BTC: variants seen among roughly 807,000 people sequenced by gnomAD.
BTC encodes betacellulin, also known as probetacellulin.
Under a neutral mutation model 18.1 loss-of-function variants are expected in BTC, and 13 were observed. That is an observed-to-expected ratio of 0.72 (90% CI 0.47 to 1.14). The LOEUF is 1.14. Ranked by LOEUF, BTC falls within the 50% of genes most tolerant of loss-of-function variation. The pLI is 0.00. For missense variants in BTC, 247 were observed against 224.2 expected (o/e 1.10, Z -0.65); for synonymous variants, 83 against 79.4 (o/e 1.05, Z -0.24).
At chr4:74,790,022 T>C (rs182137831) in intron 1 of BTC, among the ~76,000 whole-genome samples, 417 of 152,338 alleles carry the variant, frequency 2.7e-3, no homozygotes, top group African/African-American at 9.3e-3. Context: ...CTTTTGCAGC[T>C]TTATTTTTTA....
chr4:74,792,833 GCT>G (rs1174432513), intron 1 of BTC, among the ~76,000 whole-genome samples: 2 of 152,138 alleles, frequency 1.3e-5, no homozygotes, highest in Non-Finnish European at 2.9e-5. Flanking sequence ...CCGCTGTTGA[GCT>G]CTTTCTCCCT....
intron 1 of BTC, among the ~76,000 whole-genome samples, chr4:74,790,760 C>T (rs187224000): frequency 4.6e-5 from 7 of 152,260 alleles, no homozygotes; most frequent in African/African-American, 1.7e-4. Flanking sequence ...CTGGTCTGAC[C>T]AATACCAACT....
intron 1 of BTC, among the ~76,000 whole-genome samples, chr4:74,792,019 C>T (rs1725647036): frequency 6.6e-6 from 1 of 150,464 alleles, no homozygotes; most frequent in South Asian, 2.1e-4. Context: ...ACACTAGTGT[C>T]TCATGCATCT....
chr4:74,776,619 A>G (rs892511099), intron 1 of BTC, among the ~76,000 whole-genome samples: 1 of 152,158 alleles, frequency 6.6e-6, no homozygotes, highest in African/African-American at 2.4e-5. Flanking sequence ...CAAGCATTCA[A>G]AAAGAGGCAG....
At chr4:74,770,673 G>A (rs540225115) in intron 1 of BTC, among the ~76,000 whole-genome samples, 8 of 152,106 alleles carry the variant, frequency 5.3e-5, no homozygotes, top group African/African-American at 1.9e-4. Flanking sequence ...GAGAAGGACG[G>A]GCCACATGTT....
At chr4:74,793,377 G>T (rs1232301476) in intron 1 of BTC, among the ~76,000 whole-genome samples, 3 of 152,020 alleles carry the variant, frequency 2.0e-5, no homozygotes, top group Admixed American at 6.6e-5. Context: ...TTTCATTTGT[G>T]GTGTCCCCTT....
chr4:74,746,501 A>AT lies in BTC; in HGVS notation c.*175dup, dbSNP rs1553955501. 1.3e-5 allele frequency: 2 copies of AT among 152,624 alleles called. No individual in the cohort carries two copies. Among genetic ancestry groups the AT allele is most frequent in the Non-Finnish European group, 2.9e-5 (2 of 68,042 alleles). The allele number at this position is 152,624 out of a possible 1,614,324, so 9.5% of individuals were successfully genotyped here. On this transcript the variant is annotated 3_prime_UTR_variant, in exon 6 of 6. Coordinates refer to ENST00000395743, the MANE Select transcript of BTC (RefSeq NM_001729.4). ...TTCCCAATTACTAGACAATATACAT[A>AT]TAATTAATGTTCTTATTAAAAAATA...
At chr4:74,772,300 C>T (rs1237689191) in intron 1 of BTC, among the ~76,000 whole-genome samples, 1 of 152,126 alleles carries the variant, frequency 6.6e-6, no homozygotes, top group Admixed American at 6.5e-5. Flanking sequence ...AATTTGGCTA[C>T]CAAATTTCTA....
chr4:74,787,477 A>T (rs1053860691), intron 1 of BTC, among the ~76,000 whole-genome samples: 1 of 152,040 alleles, frequency 6.6e-6, no homozygotes, highest in Non-Finnish European at 1.5e-5. Flanking sequence ...AAATACTAAG[A>T]TTTTTTTTAA....
intron 1 of BTC, among the ~76,000 whole-genome samples, chr4:74,785,059 C>CA (rs1373711509): frequency 2.0e-5 from 3 of 151,952 alleles, no homozygotes; most frequent in Non-Finnish European, 4.4e-5. Context: ...AGGTCCTGGG[C>CA]TTTTTTTGGT....
At chr4:74,756,600 C>T (rs55873426) in intron 2 of BTC, among the ~76,000 whole-genome samples, 4,532 of 152,290 alleles carry the variant, frequency 0.03, 209 homozygotes, top group African/African-American at 0.1. Flanking sequence ...ACGTTCTTGA[C>T]TGCCACATAC....
In BTC at chr4:74,781,739, T is replaced by C. The variant is rs73825050; in HGVS notation, c.65-11583A>G. 2.4e-3 allele frequency among the ~76,000 whole-genome samples: 370 copies of C among 152,202 alleles called. 4 individuals carry two copies. The highest frequency in any genetic ancestry group is 8.5e-3 in the African/African-American group (352 of 41,506). On this transcript the variant is annotated intron_variant, in intron 1 of 5. Transcript: ENST00000395743. Reference sequence around the variant, plus strand: ...TGGTAAAATACATATAACAAAAAATTTATTATCCTAACCTTTTTTAAGGTA... The same window carrying C: ...TGGTAAAATACATATAACAAAAAATCTATTATCCTAACCTTTTTTAAGGTA...
chr4:74,754,515 A>G (rs1553956506), intron 3 of BTC, among the ~76,000 whole-genome samples: 1 of 152,190 alleles, frequency 6.6e-6, no homozygotes, highest in African/African-American at 2.4e-5. Context: ...AGGGGTCCAC[A>G]AGGAGATGAT....
intron 1 of BTC, among the ~76,000 whole-genome samples, chr4:74,776,173 T>A (rs1255931358): frequency 9.7e-6 from 1 of 103,514 alleles, no homozygotes; most frequent in Non-Finnish European, 1.8e-5. Flanking sequence ...TTTTGTGGCA[T>A]TTTTTTTTTA....
At chr4:74,786,371 TA>T (rs1482753420) in intron 1 of BTC, among the ~76,000 whole-genome samples, 2 of 152,204 alleles carry the variant, frequency 1.3e-5, no homozygotes, top group Non-Finnish European at 2.9e-5. Context: ...GTAATGTGCT[TA>T]AATTTAACCA....
chr4:74,782,177 T>A (rs1725349531), intron 1 of BTC, among the ~76,000 whole-genome samples: 1 of 152,150 alleles, frequency 6.6e-6, no homozygotes, highest in Non-Finnish European at 1.5e-5. Flanking sequence ...GGTAAACATG[T>A]ACCATAGTGG....
chr4:74,766,918 T>C (rs1724915978), intron 2 of BTC, among the ~76,000 whole-genome samples: 1 of 151,862 alleles, frequency 6.6e-6, no homozygotes, highest in Admixed American at 6.6e-5. Flanking sequence ...TAGAAGGAAA[T>C]TACCCCAAAA....
intron 1 of BTC, among the ~76,000 whole-genome samples, chr4:74,770,423 C>A (rs868116027): frequency 2.6e-5 from 4 of 152,090 alleles, no homozygotes; most frequent in Admixed American, 2.0e-4. Flanking sequence ...TGTGAAAGAG[C>A]CTTATAACAA....
chr4:74,753,717 ATC>A (rs1724522524), intron 3 of BTC, among the ~76,000 whole-genome samples: 2 of 152,172 alleles, frequency 1.3e-5, no homozygotes, highest in Admixed American at 1.3e-4. Flanking sequence ...TAGGTTGATT[ATC>A]TACCACTCAT....
Sources: gnomAD v4.1 joint callset for allele counts (sites outside exome capture counted in the v4.1 genomes callset) on GRCh38, gnomAD v4.1.1 for gene constraint, MANE v1.5 for transcripts, NCBI Gene and HGNC (gene_info 2026-07-23, HGNC 2026-07-21) for gene names.